The following PLEKHA8 variants were observed in gnomAD, a reference collection of about 807,000 sequenced individuals.
The protein encoded by PLEKHA8 is pleckstrin homology domain-containing family A member 8.
PLEKHA8 carries 36 observed loss-of-function variants against 68.2 expected under a neutral mutation model. The observed-to-expected ratio is 0.53, with a 90% CI of 0.40 to 0.70. The LOEUF is 0.70. Ranked by LOEUF, PLEKHA8 falls within the 30% of genes least tolerant of loss-of-function variation. The pLI is 0.00. For synonymous variants in PLEKHA8, 211 were observed against 216.1 expected, an observed-to-expected ratio of 0.98 and a Z score of 0.20; for missense variants, 505 against 615.4, an observed-to-expected ratio of 0.82 and a Z score of 1.90.
chr7:30,039,439 C>T lies in PLEKHA8; in HGVS notation c.41-5646C>T, dbSNP rs149501652. Reference sequence around the variant, plus strand: ...CTAAGGCAGGAGAATCGCTTGAACTCGGGAGGCGGAGATGGCAGTGAGCTG... The same window carrying T: ...CTAAGGCAGGAGAATCGCTTGAACTTGGGAGGCGGAGATGGCAGTGAGCTG... On this transcript the variant is annotated intron_variant, in intron 1 of 13. Coordinates refer to ENST00000449726, the MANE Select transcript of PLEKHA8 (RefSeq NM_001197026.2). 8.0e-3 allele frequency among the ~76,000 whole-genome samples: 1,224 copies of T among 152,254 alleles called. 80 individuals are homozygous for T. The highest frequency in any genetic ancestry group is 0.071 in the Admixed American group (1,093 of 15,296).
chr7:30,118,873 G>A (rs1372638539), intron 13 of PLEKHA8, among the ~76,000 whole-genome samples: 2 of 152,228 alleles, frequency 1.3e-5, no homozygotes, highest in Non-Finnish European at 2.9e-5. Context: ...ACAGAATATA[G>A]TGGCATCAAT....
intron 12 of PLEKHA8, among the ~76,000 whole-genome samples, chr7:30,068,056 G>T (rs1320799332): frequency 6.6e-6 from 1 of 152,208 alleles, no homozygotes; most frequent in African/African-American, 2.4e-5. Context: ...CTACAGACTG[G>T]TAGTTCATGG....
rs1794843415 is a variant in PLEKHA8 at position 30,080,029 on chromosome 7, T to C, written c.*1242T>C. 1 of 985,324 alleles carries C rather than the reference T, an allele frequency of 1.0e-6. No individual in the cohort carries two copies. The highest frequency in any genetic ancestry group is 1.2e-6 in the Non-Finnish European group (1 of 829,900). 61.0% of individuals were successfully genotyped at this position (985,324 alleles called of 1,614,324 possible). On this transcript the variant is annotated 3_prime_UTR_variant, in exon 14 of 14. Transcript: ENST00000449726. ...CATTGACACCCAGCCAGCAGGCCTT[T>C]GCATTGCATTCGGGGACCATGACTC... is the stretch of plus-strand genomic sequence containing the variant.
At chr7:30,047,990 A>C (rs912140103) in intron 4 of PLEKHA8, 34 bp downstream of exon 4, 2 of 1,153,858 alleles carry the variant, frequency 1.7e-6, no homozygotes, top group South Asian at 2.8e-5. Context: ...ATTAATATAC[A>C]TGAATAATAT....
rs1279951939 is a variant in PLEKHA8, at chr7:30,082,200, C to T, written c.*3413C>T. Reference sequence around the variant, plus strand: ...TTTGCATGTTATTCTGATTATTAAACTTCCCCCAATGTCATATTCCATGAT... The same window carrying T: ...TTTGCATGTTATTCTGATTATTAAATTTCCCCCAATGTCATATTCCATGAT... On this transcript the variant is annotated 3_prime_UTR_variant, in exon 14 of 14. Transcript: ENST00000449726. The T allele has an allele frequency of 7.1e-6, 7 of 985,288 alleles. No individual in the cohort carries two copies. The highest frequency in any genetic ancestry group is 8.4e-6 in the Non-Finnish European group (7 of 829,912). The allele number at this position is 985,288 out of a possible 1,614,324, so 61.0% of individuals were successfully genotyped here. A position where few individuals can be genotyped will look rare whatever the true frequency, so the allele number is the denominator to read the frequency against.
At chr7:30,088,653 A>G (rs1313111431), downstream of PLEKHA8, among the ~76,000 whole-genome samples, 3 of 152,226 alleles carry the variant, frequency 2.0e-5, no homozygotes, top group African/African-American at 7.2e-5. Flanking sequence ...AGTAAAACTC[A>G]GTTAAAAAAA....
At chr7:30,106,425 CT>C (rs1026901017) in intron 13 of PLEKHA8, among the ~76,000 whole-genome samples, 2 of 152,114 alleles carry the variant, frequency 1.3e-5, no homozygotes, top group African/African-American at 4.8e-5. Context: ...TTAATTTTAT[CT>C]TTTTCCTTAT....
chr7:30,046,092 C>T (rs1289642974), intron 2 of PLEKHA8, 118 bp from the exon 3 acceptor site: 2 of 941,932 alleles, frequency 2.1e-6, no homozygotes, highest in African/African-American at 1.7e-5. Flanking sequence ...GACTGGCATC[C>T]TCTTTGGGAA....
At chr7:30,124,860 T>C (rs1443065291) in intron 13 of PLEKHA8, among the ~76,000 whole-genome samples, 1 of 152,068 alleles carries the variant, frequency 6.6e-6, no homozygotes, top group East Asian at 1.9e-4. Context: ...CCTATCTTAA[T>C]CAAGCATTCA....
At chr7:30,100,555 A>T (rs990099060) in intron 13 of PLEKHA8, among the ~76,000 whole-genome samples, 1 of 152,206 alleles carries the variant, frequency 6.6e-6, no homozygotes, top group African/African-American at 2.4e-5. Flanking sequence ...TGTCTCAAAA[A>T]AATTAATTAA....
At chr7:30,062,815 G>T (rs1299844668) in intron 12 of PLEKHA8, 73 bp downstream of exon 12, 2 of 1,075,028 alleles carry the variant, frequency 1.9e-6, no homozygotes, top group East Asian at 5.0e-5. Context: ...AGGATACAGG[G>T]TATAGGGGAT....
intron 13 of PLEKHA8, among the ~76,000 whole-genome samples, chr7:30,109,765 G>A (rs1021860294): frequency 4.7e-5 from 7 of 150,408 alleles, no homozygotes; most frequent in Middle Eastern, 3.5e-3. Context: ...TTCGCCTCCC[G>A]GGCTCAAGCA....
At chr7:30,100,946 T>G (rs964979814) in intron 13 of PLEKHA8, among the ~76,000 whole-genome samples, 1 of 152,070 alleles carries the variant, frequency 6.6e-6, no homozygotes, top group African/African-American at 2.4e-5. Flanking sequence ...TCCAAACACT[T>G]TAGGAGGCCA....
intron 13 of PLEKHA8, among the ~76,000 whole-genome samples, chr7:30,107,737 C>T (rs1391794106): frequency 2.0e-5 from 3 of 152,110 alleles, no homozygotes; most frequent in Non-Finnish European, 2.9e-5. Context: ...ATCTAGTTTA[C>T]TAGTGATATT....
chr7:30,060,901 G>C lies in PLEKHA8; in HGVS notation c.1057G>C (p.Val353Leu). 1 of 1,613,366 alleles carries C rather than the reference G, an allele frequency of 6.2e-7. No homozygotes were observed. The highest frequency in any genetic ancestry group is 8.5e-7 in the Non-Finnish European group (1 of 1,179,708). Residue 353 changes from valine (V) to leucine (L), a missense_variant, in exon 10 of 14, where the codon GTG (valine) becomes CTG (leucine). By Grantham distance (32) the Val-to-Leu change is conservative. Coordinates refer to ENST00000449726, the MANE Select transcript of PLEKHA8 (RefSeq NM_001197026.2). ...VPVLDKLGPT[V>L]FAPVKMDLVG... is the part of the protein sequence containing the mutation. ...TCTTCTAGACAAACTTGGCCCTACA[G>C]TGTTTGCTCCTGTTAAGATGGATCT... is the stretch of plus-strand genomic sequence containing the variant.
At chr7:30,107,741 T>G (rs1446402917) in intron 13 of PLEKHA8, among the ~76,000 whole-genome samples, 1 of 152,266 alleles carries the variant, frequency 6.6e-6, no homozygotes, top group African/African-American at 2.4e-5. Context: ...AGTTTACTAG[T>G]GATATTAATT....
At chr7:30,100,236 T>C (rs997163150) in intron 13 of PLEKHA8, among the ~76,000 whole-genome samples, 1 of 152,160 alleles carries the variant, frequency 6.6e-6, no homozygotes, top group African/African-American at 2.4e-5. Flanking sequence ...CATTCACAGG[T>C]ACCAGAGATT....
chr7:30,056,713 A>C (rs1400625354), intron 9 of PLEKHA8, among the ~76,000 whole-genome samples: 3 of 120,500 alleles, frequency 2.5e-5, no homozygotes, highest in Middle Eastern at 3.9e-3. Flanking sequence ...TGGATGACAG[A>C]CAGCCTGTCT....
At chr7:30,046,181 T>TC (rs1402592521) in intron 2 of PLEKHA8, 29 bp from the exon 3 acceptor site, 2 of 1,532,782 alleles carry the variant, frequency 1.3e-6, no homozygotes, top group Non-Finnish European at 1.8e-6. Flanking sequence ...CTCTTCTGAG[T>TC]CTCTGATCTC....
Sources: allele counts gnomAD v4.1 joint callset (sites outside exome capture counted in the v4.1 genomes callset), GRCh38; gene constraint gnomAD v4.1.1; transcripts MANE v1.5; gene names NCBI Gene and HGNC (gene_info 2026-07-23, HGNC 2026-07-21).